Variants in RHEX observed in about 807,000 individuals in gnomAD.
RHEX encodes regulator of hemoglobinization and erythroid cell expansion protein.
A neutral mutation model predicts 20.1 loss-of-function variants in RHEX; 18 were observed. The ratio of observed to expected loss-of-function variants is 0.90; its 90% confidence interval spans 0.62 to 1.33. The LOEUF (loss-of-function observed/expected upper bound fraction) is 1.33, where lower values mean the gene tolerates loss of function less well. Among genes scored for constraint, RHEX ranks in the 40% most tolerant of loss-of-function variants. The pLI, the probability that RHEX is intolerant of heterozygous loss-of-function variation, is 0.00. For missense variants in RHEX, 192 were observed against 214.3 expected (o/e 0.90, Z 0.65); for synonymous variants, 87 against 77.1 (o/e 1.13, Z -0.67).
Position 206,102,250 on chromosome 1 carries a change from G to A in RHEX, c.*298G>A. ...ATCAGATGTTAGGAAGAACTTTCAGGTAAAGTATGAGAACTATGGAGTCCA... is the reference window on the plus strand; with the variant it reads ...ATCAGATGTTAGGAAGAACTTTCAGATAAAGTATGAGAACTATGGAGTCCA... On this transcript the variant is annotated 3_prime_UTR_variant, in exon 6 of 6. Coordinates refer to ENST00000331555, the MANE Select transcript of RHEX (RefSeq NM_001007544.4). The A allele has an allele frequency of 2.4e-6, 1 of 420,894 alleles. No homozygotes were observed. Among genetic ancestry groups the A allele is most frequent in the Non-Finnish European group, 4.3e-6 (1 of 230,200 alleles). 26.1% of individuals were successfully genotyped at this position (420,894 alleles called of 1,614,324 possible).
chr1:206,057,363 T>C (rs1006803481), intron 1 of RHEX, among the ~76,000 whole-genome samples: 5 of 152,190 alleles, frequency 3.3e-5, no homozygotes, highest in Non-Finnish European at 7.3e-5. Flanking sequence ...GTTCTGAAAG[T>C]CTTATTATTG....
chr1:206,053,874 C>T (rs181438238), intron 1 of RHEX, among the ~76,000 whole-genome samples: 1 of 152,284 alleles, frequency 6.6e-6, no homozygotes, highest in East Asian at 1.9e-4. Flanking sequence ...CTGGCAGAGG[C>T]AAGGAAAGAC....
chr1:206,083,551 G>A, intron 1 of RHEX: 9 of 985,446 alleles, frequency 9.1e-6, no homozygotes, highest in Non-Finnish European at 1.1e-5. Context: ...CAGTGACACA[G>A]AAGCTTCTGG....
At chr1:206,055,656 T>C (rs1662178714) in intron 1 of RHEX, among the ~76,000 whole-genome samples, 1 of 152,262 alleles carries the variant, frequency 6.6e-6, no homozygotes, top group Non-Finnish European at 1.5e-5. Context: ...AATAAAAATG[T>C]AGATTAGATA....
chr1:206,068,933 C>G (rs180924847), intron 1 of RHEX, among the ~76,000 whole-genome samples: 18 of 152,312 alleles, frequency 1.2e-4, no homozygotes, highest in Admixed American at 8.5e-4. Flanking sequence ...CCCACAGGGG[C>G]CCCCATGACC....
At chr1:206,062,021 C>A (rs2102306395) in intron 1 of RHEX, 1 of 152,284 alleles carries the variant, frequency 6.6e-6, no homozygotes, top group East Asian at 1.9e-4. Flanking sequence ...ACCATCCTGG[C>A]CAACATGGTG....
chr1:206,066,625 AAG>A lies in RHEX; in HGVS notation c.-97+13363_-97+13364del, dbSNP rs377339588. ...AGAGAGAGACTCTGTCTCAAAAAAA[AAG>A]AGTTACAACCTACAGGCAGGGAAGT... On this transcript the variant is annotated intron_variant, in intron 1 of 5. Coordinates refer to ENST00000331555, the MANE Select transcript of RHEX (RefSeq NM_001007544.4). 3.4e-3 allele frequency among the ~76,000 whole-genome samples: 513 copies of A among 152,340 alleles called. 2 individuals carry two copies. The highest frequency in any genetic ancestry group is 5.2e-3 in the Non-Finnish European group (352 of 68,028).
At chr1:206,093,292 G>A (rs1355433568) in intron 1 of RHEX, among the ~76,000 whole-genome samples, 4 of 147,828 alleles carry the variant, frequency 2.7e-5, no homozygotes, top group African/African-American at 1.0e-4. Flanking sequence ...TTCCTTTTCA[G>A]ACAGAGTCTT....
At chr1:206,058,357 G>A (rs1371616834) in intron 1 of RHEX, among the ~76,000 whole-genome samples, 9 of 152,224 alleles carry the variant, frequency 5.9e-5, no homozygotes, top group South Asian at 2.1e-4. Context: ...TCTATTGCAC[G>A]AAAATACATA....
At chr1:206,074,561 A>C (rs1303817466) in intron 1 of RHEX, among the ~76,000 whole-genome samples, 1 of 152,200 alleles carries the variant, frequency 6.6e-6, no homozygotes, top group Non-Finnish European at 1.5e-5. Context: ...GTATATTCAC[A>C]GAGTTATGCA....
chr1:206,057,573 G>A (rs556308486), intron 1 of RHEX, among the ~76,000 whole-genome samples: 9 of 152,366 alleles, frequency 5.9e-5, no homozygotes, highest in Non-Finnish European at 8.8e-5. Context: ...GGGACTGGAC[G>A]GCCCCCACTG....
intron 1 of RHEX, among the ~76,000 whole-genome samples, chr1:206,078,087 A>G (rs964547541): frequency 1.3e-5 from 2 of 152,244 alleles, no homozygotes; most frequent in Non-Finnish European, 2.9e-5. Flanking sequence ...AAGGTACATA[A>G]GAAACATAAG....
intron 1 of RHEX, among the ~76,000 whole-genome samples, chr1:206,075,016 T>G (rs1333452075): frequency 4.6e-5 from 7 of 152,246 alleles, no homozygotes; most frequent in African/African-American, 1.4e-4. Flanking sequence ...TCACTGTGTT[T>G]TTTTGCTCAT....
chr1:206,070,284 T>C (rs1662502654), intron 1 of RHEX, among the ~76,000 whole-genome samples: 1 of 152,164 alleles, frequency 6.6e-6, no homozygotes, highest in Admixed American at 6.5e-5. Context: ...TCCCCCTATA[T>C]CCACGGCTTC....
intron 1 of RHEX, among the ~76,000 whole-genome samples, chr1:206,054,369 A>G (rs1385354800): frequency 6.6e-6 from 1 of 152,266 alleles, no homozygotes; most frequent in Non-Finnish European, 1.5e-5. Flanking sequence ...CTATTAAAAA[A>G]ACAGTTTATG....
rs1454055039 is a variant in RHEX at position 206,099,764 on chromosome 1, G to A, written c.222G>A (p.Glu74=). ...AAGAGATGAAGGAGACTCAGACAGA[G>A]AGAGACATCCCAATGTCTGATTCCC... ...AVKEMKETQT[E]RDIPMSDSLY... is the part of the protein sequence containing the mutation. Residue 74 remains glutamate, a synonymous_variant, in exon 4 of 6, where the codon GAG becomes GAA. Coordinates refer to ENST00000331555, the MANE Select transcript of RHEX (RefSeq NM_001007544.4). 1.7e-5 allele frequency: 27 copies of A among 1,614,008 alleles called. No individual in the cohort carries two copies. The Admixed American group carries it at 3.8e-4, about 23-fold the overall frequency.
chr1:206,096,765 G>C (rs1407261234), intron 1 of RHEX, among the ~76,000 whole-genome samples: 1 of 123,240 alleles, frequency 8.1e-6, no homozygotes, highest in African/African-American at 3.3e-5. Flanking sequence ...CAAGTCCCCT[G>C]TTTTTTTTTT....
chr1:206,101,914 C>G lies in RHEX; in HGVS notation c.481C>G (p.Leu161Val). 6.2e-7 allele frequency: 1 copy of G among 1,614,116 alleles called. No individual in the cohort carries two copies. Among genetic ancestry groups the G allele is most frequent in the Non-Finnish European group, 8.5e-7 (1 of 1,179,974 alleles). Reference sequence around the variant, plus strand: ...TTTCTGGTATTTTGTCAACCCTGCTCTGTCTGAGCCAGCGGAATATGATCA... The same window carrying G: ...TTTCTGGTATTTTGTCAACCCTGCTGTGTCTGAGCCAGCGGAATATGATCA... Reference protein sequence around the residue: ...PSFWYFVNPALSEPAEYDQVA... With the variant: ...PSFWYFVNPAVSEPAEYDQVA... Residue 161 changes from leucine to valine, a missense_variant, in exon 6 of 6, where the codon CTG becomes GTG. Physicochemically the swap from Leu to Val is conservative, Grantham distance 32. Coordinates refer to ENST00000331555, the MANE Select transcript of RHEX (RefSeq NM_001007544.4).
At chr1:206,066,342 C>G (rs1553284158) in intron 1 of RHEX, among the ~76,000 whole-genome samples, 1 of 152,234 alleles carries the variant, frequency 6.6e-6, no homozygotes, top group African/African-American at 2.4e-5. Flanking sequence ...CTGGGCCAGG[C>G]ACAGTGGCTC....
Sources: gnomAD v4.1 joint callset for allele counts (sites outside exome capture counted in the v4.1 genomes callset) on GRCh38, gnomAD v4.1.1 for gene constraint, MANE v1.5 for transcripts, NCBI Gene and HGNC (gene_info 2026-07-23, HGNC 2026-07-21) for gene names.